PPP2R2C: variants seen among roughly 807,000 people sequenced by gnomAD.
The protein encoded by PPP2R2C is protein phosphatase 2 regulatory subunit Bgamma.
A neutral mutation model predicts 45.3 loss-of-function variants in PPP2R2C; 10 were observed. The observed-to-expected ratio is 0.22, with a 90% CI of 0.14 to 0.37. PPP2R2C has a LOEUF of 0.37. Ranked by LOEUF, PPP2R2C falls within the 10% of genes least tolerant of loss-of-function variation. PPP2R2C has a pLI of 1.00. For synonymous variants in PPP2R2C, 257 were observed against 245.4 expected (o/e 1.05, Z -0.44); for missense variants, 308 against 619.7 (o/e 0.50, Z 5.34).
At chr4:6,450,725 T>C (rs910198536) in intron 1 of PPP2R2C, among the ~76,000 whole-genome samples, 4 of 152,162 alleles carry the variant, frequency 2.6e-5, no homozygotes, top group African/African-American at 9.7e-5. Context: ...GGCCTACCCA[T>C]TCCTGAGAGG....
chr4:6,553,155 C>T (rs1725238627), intron 1 of PPP2R2C, among the ~76,000 whole-genome samples: 1 of 152,204 alleles, frequency 6.6e-6, no homozygotes, highest in Admixed American at 6.5e-5. Flanking sequence ...AAGCTGTGAC[C>T]ATGGAGAGCA....
intron 8 of PPP2R2C, among the ~76,000 whole-genome samples, chr4:6,327,356 G>A (rs970259614): frequency 3.9e-5 from 6 of 152,176 alleles, no homozygotes; most frequent in Non-Finnish European, 7.4e-5. Flanking sequence ...GCGGGTGGGA[G>A]GCAGGACAGG....
rs542988914 is a variant in PPP2R2C, at chr4:6,561,640, C to CACCT, written c.-59+1916_-59+1919dup. Among the ~76,000 whole-genome samples the CACCT allele has an allele frequency of 3.5e-3, 535 of 151,868 alleles. 5 individuals are homozygous for CACCT. The highest frequency in any genetic ancestry group is 0.013 in the African/African-American group (517 of 41,342). ...AGAGACACAAACACACACACAGACA[C>CACCT]ACCTATACAGACATAGAGCTACACA... On this transcript the variant is annotated intron_variant, in intron 1 of 9. Transcript: ENST00000506140.
rs1479746401 is a variant in PPP2R2C at position 6,510,982 on chromosome 4, A to AC, written c.49+24288_49+24289insG. On this transcript the variant is annotated intron_variant, in intron 2 of 9. Transcript: ENST00000506140. Reference sequence around the variant, plus strand: ...ACAGAGTGAGACTCCGTCTCAAACAAAAAAAAACAAACAAACAAAAAAAAA... The same window carrying AC: ...ACAGAGTGAGACTCCGTCTCAAACAACAAAAAAACAAACAAACAAAAAAAAA... Among the ~76,000 whole-genome samples, 65 of 79,072 alleles carry AC rather than the reference A, an allele frequency of 8.2e-4. 1 individual carries two copies. Among genetic ancestry groups the AC allele is most frequent in the Middle Eastern group, 0.013 (2 of 150 alleles). The allele number at this position is 79,072 out of a possible 152,430, so 51.9% of individuals were successfully genotyped here.
chr4:6,562,827 G>T (rs1725622213), intron 1 of PPP2R2C, among the ~76,000 whole-genome samples: 1 of 152,132 alleles, frequency 6.6e-6, no homozygotes, highest in Admixed American at 6.5e-5. Flanking sequence ...GCCACAGAGT[G>T]TGTGGTCCCT....
In PPP2R2C at chr4:6,450,529, C is replaced by T. The variant is rs571316225; in HGVS notation, c.70+21631G>A. Among the ~76,000 whole-genome samples the T allele has an allele frequency of 1.3e-3, 202 of 152,234 alleles. 3 individuals carry two copies. Among genetic ancestry groups the T allele is most frequent in the African/African-American group, 4.8e-3 (198 of 41,536 alleles). On this transcript the variant is annotated intron_variant, in intron 1 of 8. Transcript: ENST00000382599. ...GGGTCAGCTCGGGGGGTTCCAGCCC[C>T]GACCATCAAGGCATCCAAGTGAATA...
chr4:6,332,393 C>A lies in PPP2R2C; in HGVS notation c.960+1169G>T, dbSNP rs552019013. Among the ~76,000 whole-genome samples the A allele has an allele frequency of 6.6e-6, 1 of 152,136 alleles. No homozygotes were observed. The highest frequency in any genetic ancestry group is 1.5e-5 in the Non-Finnish European group (1 of 68,016). On this transcript the variant is annotated intron_variant, in intron 7 of 8. Transcript: ENST00000382599. The surrounding 1 kb of genome is among the most constrained non-coding windows in gnomAD (Gnocchi z 4.9). ...CCTGAGGGAGGAGCTGGGGCAGTCG[C>A]AAGAACTCAAGTAAACACACGTGGC...
intron 2 of PPP2R2C, among the ~76,000 whole-genome samples, chr4:6,534,181 CACATCAACACAT>C (rs1724505282): frequency 6.7e-6 from 1 of 149,782 alleles, no homozygotes; most frequent in African/African-American, 2.5e-5. Flanking sequence ...CATCAACACA[CACATCAACACAT>C]ACAACACACA....
intron 2 of PPP2R2C, among the ~76,000 whole-genome samples, chr4:6,477,749 A>C (rs1278729216): frequency 2.6e-5 from 4 of 151,274 alleles, no homozygotes; most frequent in Non-Finnish European, 4.4e-5. Context: ...AAAAAAAAAA[A>C]AAAACTGGAA....
At position 6,521,274 on chromosome 4, in the gene PPP2R2C, C is replaced by A. The variant is rs149007679; in HGVS notation, c.49+13997G>T. ...TGAGGGCTTTTGGGGCTTTATCCTGCCACTTGTATGTTGTGTTCAGCTGGT... is the reference window on the plus strand; with the variant it reads ...TGAGGGCTTTTGGGGCTTTATCCTGACACTTGTATGTTGTGTTCAGCTGGT... On this transcript the variant is annotated intron_variant, in intron 2 of 9. Transcript: ENST00000506140. Among the ~76,000 whole-genome samples, 46 of 152,318 alleles carry A rather than the reference C, an allele frequency of 3.0e-4. No individual in the cohort carries two copies. In the East Asian group the frequency reaches 8.5e-3, roughly 28 times the overall value.
chr4:6,426,860 T>G (rs1719360154), intron 1 of PPP2R2C, among the ~76,000 whole-genome samples: 3 of 152,202 alleles, frequency 2.0e-5, no homozygotes, highest in African/African-American at 7.2e-5. Context: ...AAGCAAGTCT[T>G]GCTCCCCAAG....
intron 2 of PPP2R2C, among the ~76,000 whole-genome samples, chr4:6,518,071 G>T (rs1409887308): frequency 2.0e-5 from 3 of 152,180 alleles, no homozygotes; most frequent in African/African-American, 7.2e-5. Flanking sequence ...ACTCAAAGAA[G>T]TCTCAAGAGA....
Position 6,333,569 on chromosome 4 carries a change from G to C in PPP2R2C, c.953C>G (p.Thr318Ser), listed in dbSNP as rs1732594461. 6.2e-7 allele frequency: 1 copy of C among 1,613,630 alleles called. No homozygotes were observed. Among genetic ancestry groups the C allele is most frequent in the Non-Finnish European group, 8.5e-7 (1 of 1,179,626 alleles). The change falls in exon 7 of 9, where the codon ACC becomes AGC. Residue 318 changes from threonine (T) to serine (S), a missense_variant. Thr to Ser is a moderately conservative substitution (Grantham distance 58). Transcript: ENST00000382599. ...TCCTGCTGTGGTGCCCACCTGGTAG[G>C]TCTCTATGGGTCTTGCCTCCATGTT... ...DLNMEARPIE[T>S]YQVHDYLRSK...
At chr4:6,338,233 T>C (rs1223402473) in intron 6 of PPP2R2C, among the ~76,000 whole-genome samples, 3 of 152,140 alleles carry the variant, frequency 2.0e-5, no homozygotes, top group Admixed American at 2.0e-4. Flanking sequence ...CACACCCTAA[T>C]TATTTAAAAG....
chr4:6,436,507 T>A (rs569859707), intron 1 of PPP2R2C, among the ~76,000 whole-genome samples: 2 of 152,236 alleles, frequency 1.3e-5, no homozygotes, highest in Non-Finnish European at 2.9e-5. Context: ...TTTGTTCCAT[T>A]TGTTGCTTCA....
Position 6,471,263 on chromosome 4 carries a change from G to A in PPP2R2C, c.70+897C>T, listed in dbSNP as rs925515429. Among the ~76,000 whole-genome samples, 3 of 151,844 alleles carry A rather than the reference G, an allele frequency of 2.0e-5. No individual in the cohort carries two copies. The highest frequency in any genetic ancestry group is 4.4e-5 in the Non-Finnish European group (3 of 67,930). On this transcript the variant is annotated intron_variant, in intron 1 of 8. Coordinates refer to ENST00000382599, the MANE Select transcript of PPP2R2C (RefSeq NM_020416.4). The surrounding 1 kb of genome is among the most constrained non-coding windows in gnomAD (Gnocchi z 5.6). Reference sequence around the variant, plus strand: ...ACTCGGGCAGGGCTCCAGCACAGGCGGCCCCGAGCCCAGACCTCCCGGTCC... The same window carrying A: ...ACTCGGGCAGGGCTCCAGCACAGGCAGCCCCGAGCCCAGACCTCCCGGTCC...
At chr4:6,374,525 T>C (rs776800378) in intron 4 of PPP2R2C, among the ~76,000 whole-genome samples, 7 of 152,174 alleles carry the variant, frequency 4.6e-5, no homozygotes, top group Non-Finnish European at 8.8e-5. Context: ...ACAGGAAAGA[T>C]CACAATTGTC....
intron 6 of PPP2R2C, among the ~76,000 whole-genome samples, chr4:6,339,546 C>T (rs990842120): frequency 2.6e-5 from 4 of 152,268 alleles, no homozygotes; most frequent in African/African-American, 7.2e-5. Flanking sequence ...GCCCCACCCC[C>T]ATCGTTGTCA....
At chr4:6,440,430 C>G (rs916000735) in intron 1 of PPP2R2C, among the ~76,000 whole-genome samples, 1 of 152,206 alleles carries the variant, frequency 6.6e-6, no homozygotes, top group Non-Finnish European at 1.5e-5. Context: ...CTGGGGCCAA[C>G]AACTCACAGG....
Sources: allele counts gnomAD v4.1 joint callset (sites outside exome capture counted in the v4.1 genomes callset), GRCh38; gene constraint gnomAD v4.1.1; non-coding constraint Gnocchi (gnomAD v3.1); transcripts MANE v1.5; gene names NCBI Gene and HGNC (gene_info 2026-07-23, HGNC 2026-07-21).